The following HIP1 variants were observed in gnomAD, a reference collection of about 807,000 sequenced individuals.
The protein encoded by HIP1 is huntingtin-interacting protein 1.
In HIP1, 65 loss-of-function variants were observed where a neutral mutation model predicts 147.6. That is an observed-to-expected ratio of 0.44 (90% confidence interval 0.36 to 0.54). HIP1 has a LOEUF of 0.54. Among genes scored for constraint, HIP1 ranks in the 20% least tolerant of loss-of-function variants. The pLI is 0.00. For synonymous variants in HIP1, 479 were observed against 504.0 expected, an observed-to-expected ratio of 0.95 and a Z score of 0.67; for missense variants, 1,061 against 1,299.6, an observed-to-expected ratio of 0.82 and a Z score of 2.82.
intron 29 of HIP1, among the ~76,000 whole-genome samples, chr7:75,540,525 C>T (rs587723633): frequency 1.1e-4 from 17 of 151,746 alleles, no homozygotes; most frequent in East Asian, 9.7e-4. Context: ...TGGGAGGATC[C>T]GCCTGAGCCC....
rs1799765372 is a variant in HIP1, at chr7:75,672,828, C to G, written c.120+65973G>C. ...AGCTCTTACATTTAGGTTTCTGATC[C>G]ATTTGGAGTTAATTTTTGTGTATAG... On this transcript the variant is annotated intron_variant, in intron 1 of 30. Coordinates refer to ENST00000336926, the MANE Select transcript of HIP1 (RefSeq NM_005338.7). Among the ~76,000 whole-genome samples, 3 of 152,022 alleles carry G rather than the reference C, an allele frequency of 2.0e-5. No individual in the cohort carries two copies. The South Asian group carries it at 6.2e-4, about 32-fold the overall frequency.
chr7:75,590,314 G>A (rs587679682), intron 4 of HIP1, among the ~76,000 whole-genome samples: 4 of 152,202 alleles, frequency 2.6e-5, no homozygotes, highest in African/African-American at 9.6e-5. Flanking sequence ...ACAAAGATAC[G>A]AAAGGTAGAC....
intron 1 of HIP1, among the ~76,000 whole-genome samples, chr7:75,719,119 GC>G (rs1285627759): frequency 2.0e-5 from 3 of 151,788 alleles, no homozygotes; most frequent in African/African-American, 4.8e-5. Context: ...GGAGTTCAAG[GC>G]CAGCCTGGGC....
chr7:75,553,358 A>C (rs1305245363), intron 22 of HIP1, 95 bp downstream of exon 22: 15 of 1,428,568 alleles, frequency 1.0e-5, no homozygotes, highest in Non-Finnish European at 1.3e-5. Context: ...AAGTGCAGAA[A>C]GAACTAGCTC....
Position 75,548,875 on chromosome 7 carries a change from T to C in HIP1, c.2406+16A>G, listed in dbSNP as rs374930716. The C allele has an allele frequency of 9.8e-5, 154 of 1,565,772 alleles. No homozygotes were observed. The highest frequency in any genetic ancestry group is 1.3e-4 in the Non-Finnish European group (147 of 1,135,858). ...GCAAAGGCATCGTTTCAGGAGATCCTGCAGGAACCTCCTACCTCTATTCTG... is the reference window on the plus strand; with the variant it reads ...GCAAAGGCATCGTTTCAGGAGATCCCGCAGGAACCTCCTACCTCTATTCTG... On this transcript the variant is annotated intron_variant, in intron 23 of 30. Coordinates refer to ENST00000336926, the MANE Select transcript of HIP1 (RefSeq NM_005338.7).
chr7:75,557,287 C>A (rs1359539809), intron 16 of HIP1, among the ~76,000 whole-genome samples: 1 of 152,012 alleles, frequency 6.6e-6, no homozygotes, highest in Non-Finnish European at 1.5e-5. Context: ...TCCACACCCC[C>A]CTCAGCCTCC....
chr7:75,639,582 T>TGG (rs1442880425), intron 1 of HIP1, among the ~76,000 whole-genome samples: 2 of 149,904 alleles, frequency 1.3e-5, no homozygotes, highest in East Asian at 4.0e-4. Context: ...TGTGTGTGTG[T>TGG]GTGTGTGTGT....
At chr7:75,613,243 G>A (rs1201207878) in intron 1 of HIP1, among the ~76,000 whole-genome samples, 5 of 152,120 alleles carry the variant, frequency 3.3e-5, no homozygotes, top group African/African-American at 9.7e-5. Context: ...GGAGAGTACA[G>A]AACCAAATGG....
intron 1 of HIP1, among the ~76,000 whole-genome samples, chr7:75,678,507 C>T (rs761660464): frequency 1.3e-5 from 2 of 152,180 alleles, no homozygotes; most frequent in Non-Finnish European, 2.9e-5. Flanking sequence ...CCACACCCGG[C>T]TAATTTTTGT....
chr7:75,735,004 G>A (rs1554523492), intron 1 of HIP1, among the ~76,000 whole-genome samples: 1 of 152,156 alleles, frequency 6.6e-6, no homozygotes, highest in East Asian at 1.9e-4. Flanking sequence ...CACTTCTGCT[G>A]TCTCGGGTTC....
intron 25 of HIP1, 88 bp downstream of exon 25, chr7:75,546,851 G>A (rs1363692489): frequency 1.1e-6 from 1 of 927,320 alleles, no homozygotes; most frequent in Non-Finnish European, 1.7e-6. Context: ...GACACACAGA[G>A]TAAGACGGCA....
chr7:75,647,270 C>T (rs941294798), intron 1 of HIP1, among the ~76,000 whole-genome samples: 7 of 142,628 alleles, frequency 4.9e-5, no homozygotes, highest in East Asian at 2.1e-4. Context: ...TGGTGGCATG[C>T]GCCTGTAATC....
intron 7 of HIP1, among the ~76,000 whole-genome samples, chr7:75,574,647 G>C (rs1795774227): frequency 6.6e-6 from 1 of 151,920 alleles, no homozygotes; most frequent in South Asian, 2.1e-4. Context: ...AGACTTGTTG[G>C]AGAGCCCAAG....
Position 75,568,295 on chromosome 7 carries a change from C to A in HIP1, c.746-39G>T. ...GAAAGAGTGTGAGAGGGGAGGGGGACCAGAGGGCAGGGAAGCCACAGCGGG... is the reference window on the plus strand; with the variant it reads ...GAAAGAGTGTGAGAGGGGAGGGGGAACAGAGGGCAGGGAAGCCACAGCGGG... On this transcript the variant is annotated intron_variant, in intron 8 of 30. Transcript: ENST00000336926. This position sits in a 1 kb window ranked among gnomAD's most constrained non-coding sequence, Gnocchi z 4.1. 2.8e-6 allele frequency: 4 copies of A among 1,437,450 alleles called. No homozygotes were observed. Among genetic ancestry groups the A allele is most frequent in the Non-Finnish European group, 3.9e-6 (4 of 1,019,290 alleles). 89.0% of individuals were successfully genotyped at this position (1,437,450 alleles called of 1,614,324 possible).
chr7:75,692,985 C>T (rs1417111702), intron 1 of HIP1, among the ~76,000 whole-genome samples: 7 of 151,572 alleles, frequency 4.6e-5, no homozygotes, highest in African/African-American at 7.3e-5. Context: ...GCCAACATGG[C>T]GAAGCTTGAT....
At chr7:75,602,221 G>T (rs1433049930) in intron 1 of HIP1, among the ~76,000 whole-genome samples, 1 of 148,480 alleles carries the variant, frequency 6.7e-6, no homozygotes, top group Admixed American at 6.9e-5. Flanking sequence ...TCCTGGTCTC[G>T]AACTCCTGAC....
rs1189217902 is a variant in HIP1, at chr7:75,734,732, G to T, written c.120+4069C>A. ...TGCCTCTCTGTCTACCCCAGCCAAT[G>T]AGTCTCCACTGCACCCGCTGGGAAG... On this transcript the variant is annotated intron_variant, in intron 1 of 30. Coordinates refer to ENST00000336926, the MANE Select transcript of HIP1 (RefSeq NM_005338.7). Among the ~76,000 whole-genome samples, 22 of 152,104 alleles carry T rather than the reference G, an allele frequency of 1.4e-4. 1 individual carries two copies. Among genetic ancestry groups the T allele is most frequent in the Admixed American group, 1.2e-3 (19 of 15,246 alleles).
intron 1 of HIP1, chr7:75,611,730 G>A (rs1381834058): frequency 9.6e-7 from 1 of 1,036,288 alleles, no homozygotes; most frequent in Non-Finnish European, 1.2e-6. Context: ...GACTTCCCTG[G>A]AGTCACACAG....
At chr7:75,702,864 C>T (rs1800878438) in intron 1 of HIP1, among the ~76,000 whole-genome samples, 1 of 152,108 alleles carries the variant, frequency 6.6e-6, no homozygotes, top group Non-Finnish European at 1.5e-5. Flanking sequence ...CAACAACTCA[C>T]TCATCCCCAC....
Sources: gnomAD v4.1 joint callset for allele counts (sites outside exome capture counted in the v4.1 genomes callset) on GRCh38, gnomAD v4.1.1 for gene constraint, Gnocchi (gnomAD v3.1) non-coding constraint, MANE v1.5 for transcripts, NCBI Gene and HGNC (gene_info 2026-07-23, HGNC 2026-07-21) for gene names.